Variants in TAS2R1 observed in about 807,000 individuals in gnomAD.
TAS2R1 encodes the protein taste receptor type 2 member 1.
For synonymous variants in TAS2R1, 141 were observed against 134.2 expected (o/e 1.05, Z -0.35); for missense variants, 370 against 353.4 (o/e 1.05, Z -0.38).
the TAS2R1 span, among the ~76,000 whole-genome samples, chr5:9,796,269 C>A: frequency 2.0e-5 from 3 of 152,230 alleles, no homozygotes; most frequent in Admixed American, 1.3e-4. Flanking sequence ...TAGCCCTTCC[C>A]TGTGAACAAA....
At chr5:9,698,517 A>G (rs16883397) in intron 1 of TAS2R1, among the ~76,000 whole-genome samples, 38,277 of 152,018 alleles carry the variant, frequency 0.25, 4,936 homozygotes, top group South Asian at 0.37. Flanking sequence ...GTCGTGTTTT[A>G]TCTTGTTTTT....
chr5:9,807,805 T>C, the TAS2R1 span, among the ~76,000 whole-genome samples: 2 of 152,164 alleles, frequency 1.3e-5, no homozygotes, highest in South Asian at 2.1e-4. Context: ...AGACATTGCA[T>C]GCAGTGTACA....
chr5:9,713,639 T>C (rs984798386), upstream of TAS2R1: 14 of 152,204 alleles, frequency 9.2e-5, no homozygotes, highest in African/African-American at 2.9e-4. Flanking sequence ...TTCAGTCTTT[T>C]GGCTCCATTT....
the TAS2R1 span, among the ~76,000 whole-genome samples, chr5:9,785,368 G>A: frequency 6.6e-6 from 1 of 152,152 alleles, no homozygotes; most frequent in Non-Finnish European, 1.5e-5. Flanking sequence ...AATAACATCT[G>A]GGGGAAGTCC....
chr5:9,822,596 G>A, the TAS2R1 span, among the ~76,000 whole-genome samples: 7 of 152,040 alleles, frequency 4.6e-5, no homozygotes, highest in East Asian at 1.9e-4. Flanking sequence ...TGATCCGCCC[G>A]CCTCGGCCTC....
At chr5:9,740,508 G>A in the TAS2R1 span, among the ~76,000 whole-genome samples, 12,068 of 152,148 alleles carry the variant, frequency 0.079, 1,280 homozygotes, top group African/African-American at 0.24. Flanking sequence ...CAAAGCCAAC[G>A]AGTTAACAAA....
intron 1 of TAS2R1, among the ~76,000 whole-genome samples, chr5:9,692,723 T>G (rs1561380700): frequency 6.6e-6 from 1 of 152,198 alleles, no homozygotes; most frequent in African/African-American, 2.4e-5. Context: ...GAGCCAGGCC[T>G]CCTTGGATAA....
the TAS2R1 span, among the ~76,000 whole-genome samples, chr5:9,897,146 A>G: frequency 2.0e-5 from 3 of 152,344 alleles, no homozygotes; most frequent in East Asian, 5.8e-4. Flanking sequence ...AAAACAAAAC[A>G]AAACAAAATA....
chr5:9,825,419 C>G, the TAS2R1 span, among the ~76,000 whole-genome samples: 1 of 152,164 alleles, frequency 6.6e-6, no homozygotes, highest in Non-Finnish European at 1.5e-5. Context: ...ACAGGAAAGA[C>G]CTGCCCCCGT....
chr5:9,808,230 C>A, the TAS2R1 span, among the ~76,000 whole-genome samples: 1 of 152,128 alleles, frequency 6.6e-6, no homozygotes, highest in African/African-American at 2.4e-5. Flanking sequence ...ATGAGCCATT[C>A]TGATGAAGTC....
chr5:9,653,719 A>T (rs186728391), intron 2 of TAS2R1, among the ~76,000 whole-genome samples: 1 of 152,132 alleles, frequency 6.6e-6, no homozygotes, highest in African/African-American at 2.4e-5. Context: ...ACCTCCAGAA[A>T]ACATAAACAA....
chr5:9,707,754 T>A (rs1741647205), intron 1 of TAS2R1, among the ~76,000 whole-genome samples: 1 of 151,924 alleles, frequency 6.6e-6, no homozygotes, highest in Admixed American at 6.5e-5. Context: ...CCCAAGCTTT[T>A]GTTCTGTGTA....
chr5:9,873,438 T>C, the TAS2R1 span, among the ~76,000 whole-genome samples: 2 of 151,484 alleles, frequency 1.3e-5, no homozygotes, highest in Admixed American at 6.6e-5. Flanking sequence ...TCTTCTCGTA[T>C]TGCACAGAAT....
At chr5:9,712,033 AG>A (rs1734691114) in intron 1 of TAS2R1, 1 of 2,644 alleles carries the variant, frequency 3.8e-4, no homozygotes, top group African/African-American at 2.2e-3. Flanking sequence ...GAAGGAAGGG[AG>A]GGAGGGAGGG....
At chr5:9,767,978 A>G in the TAS2R1 span, among the ~76,000 whole-genome samples, 8 of 149,566 alleles carry the variant, frequency 5.3e-5, no homozygotes, top group African/African-American at 2.0e-4. Flanking sequence ...AGAACCCTGT[A>G]CTGGATTCCC....
At chr5:9,843,974 G>A in the TAS2R1 span, among the ~76,000 whole-genome samples, 1 of 152,194 alleles carries the variant, frequency 6.6e-6, no homozygotes, top group African/African-American at 2.4e-5. Flanking sequence ...TCCTTGCCAT[G>A]TGAACTTCCT....
chr5:9,683,913 C>T (rs1474296904), intron 1 of TAS2R1, among the ~76,000 whole-genome samples: 4 of 152,086 alleles, frequency 2.6e-5, no homozygotes, highest in African/African-American at 9.7e-5. Context: ...TTGCCAGCAT[C>T]TACGGAAGTG....
chr5:9,873,986 G>A, the TAS2R1 span, among the ~76,000 whole-genome samples: 13 of 146,658 alleles, frequency 8.9e-5, no homozygotes, highest in African/African-American at 2.7e-4. Flanking sequence ...GGAAGAAAAA[G>A]AGAGAGAGGA....
the TAS2R1 span, among the ~76,000 whole-genome samples, chr5:9,873,725 C>T: frequency 5.9e-5 from 9 of 151,712 alleles, no homozygotes; most frequent in South Asian, 6.3e-4. Flanking sequence ...AGAAATTAGC[C>T]GGTAGTGGTG....
Sources: gnomAD v4.1 joint callset for allele counts (sites outside exome capture counted in the v4.1 genomes callset) on GRCh38, gnomAD v4.1.1 for gene constraint, MANE v1.5 for transcripts, NCBI Gene and HGNC (gene_info 2026-07-23, HGNC 2026-07-21) for gene names.